DAB1: variants seen among roughly 807,000 people sequenced by gnomAD.
DAB1 encodes DAB adaptor protein 1, also known as disabled homolog 1.
DAB1 carries 15 observed loss-of-function variants against 64.6 expected under a neutral mutation model. The observed-to-expected ratio is 0.23, with a 90% CI of 0.16 to 0.36. The LOEUF (loss-of-function observed/expected upper bound fraction) is 0.36. Among genes scored for constraint, DAB1 ranks in the 10% least tolerant of loss-of-function variants. The probability of loss-of-function intolerance (pLI) is 1.00; values close to 1 mark genes in which losing one functional copy is unlikely to be tolerated. For missense variants in DAB1, 596 were observed against 706.7 expected, an observed-to-expected ratio of 0.84 and a Z score of 1.78; for synonymous variants, 235 against 251.9, an observed-to-expected ratio of 0.93 and a Z score of 0.64.
intron 7 of DAB1, chr1:57,606,076 T>C: frequency 1.8e-6 from 1 of 550,160 alleles, no homozygotes; most frequent in South Asian, 1.7e-5. Context: ...ATTCTTTTCC[T>C]TTGCTCCTCT....
chr1:58,508,756 A>T (rs1416275365), intron 2 of DAB1, among the ~76,000 whole-genome samples: 1 of 152,126 alleles, frequency 6.6e-6, no homozygotes, highest in Non-Finnish European at 1.5e-5. Flanking sequence ...TTGAACAAGC[A>T]CACAAGCAGT....
chr1:58,466,074 A>C (rs1233010523), intron 3 of DAB1, among the ~76,000 whole-genome samples: 1 of 152,108 alleles, frequency 6.6e-6, no homozygotes, highest in African/African-American at 2.4e-5. Flanking sequence ...AGCGGTCCCC[A>C]CAACTGCTTT....
chr1:58,546,257 C>A (rs1228233807), intron 1 of DAB1, among the ~76,000 whole-genome samples: 1 of 152,226 alleles, frequency 6.6e-6, no homozygotes, highest in Admixed American at 6.5e-5. Context: ...AGACGAATGC[C>A]CGACGCGCCG....
intron 2 of DAB1, among the ~76,000 whole-genome samples, chr1:57,229,518 A>G (rs575532845): frequency 6.6e-6 from 1 of 151,622 alleles, no homozygotes; most frequent in African/African-American, 2.4e-5. Flanking sequence ...TTATTAAAGA[A>G]AAAAAAAATC....
At chr1:57,167,215 C>T (rs914297366) in intron 2 of DAB1, among the ~76,000 whole-genome samples, 1 of 152,146 alleles carries the variant, frequency 6.6e-6, no homozygotes, top group Non-Finnish European at 1.5e-5. Flanking sequence ...GTTCCATAAT[C>T]ATTACAAACG....
chr1:58,489,302 G>A (rs957016776), intron 3 of DAB1, among the ~76,000 whole-genome samples: 16 of 152,302 alleles, frequency 1.1e-4, no homozygotes, highest in South Asian at 2.1e-4. Flanking sequence ...TATATCCCAC[G>A]CCTGGCTCAA....
intron 1 of DAB1, among the ~76,000 whole-genome samples, chr1:57,362,372 T>C (rs893924858): frequency 6.6e-6 from 1 of 152,178 alleles, no homozygotes; most frequent in Non-Finnish European, 1.5e-5. Flanking sequence ...CTAAACTTTC[T>C]GCAATTTACT....
At position 57,561,906 on chromosome 1, in the gene DAB1, G is replaced by A. The variant is rs1645057003; in HGVS notation, n.625+87686C>T. Among the ~76,000 whole-genome samples, 2 of 152,162 alleles carry A rather than the reference G, an allele frequency of 1.3e-5. 1 individual carries two copies. Among genetic ancestry groups the A allele is most frequent in the Non-Finnish European group, 2.9e-5 (2 of 68,040 alleles). On this transcript the variant is annotated intron_variant and non_coding_transcript_variant, in intron 7 of 20. Coordinates refer to the DAB1 transcript ENST00000485760. ...TATCAGACCTCTTCCATTATACAAA[G>A]GACAGAGGTTTGTCCTCACTGGAAT...
intron 6 of DAB1, among the ~76,000 whole-genome samples, chr1:57,692,430 A>G (rs911854033): frequency 6.6e-6 from 1 of 152,114 alleles, no homozygotes; most frequent in Non-Finnish European, 1.5e-5. Context: ...CAGGAAGTCA[A>G]AGAGAAGGAG....
At chr1:57,179,888 G>T (rs921756184) in intron 2 of DAB1, among the ~76,000 whole-genome samples, 1 of 152,126 alleles carries the variant, frequency 6.6e-6, no homozygotes, top group South Asian at 2.1e-4. Context: ...TGAACCAGAG[G>T]ATTACAATAG....
chr1:57,114,118 T>A (rs1216231724), intron 4 of DAB1, among the ~76,000 whole-genome samples: 1 of 152,190 alleles, frequency 6.6e-6, no homozygotes, highest in Non-Finnish European at 1.5e-5. Context: ...GAACTGGGGA[T>A]CACTCACTAT....
At chr1:57,828,835 G>A (rs1569798351) in intron 1 of DAB1, among the ~76,000 whole-genome samples, 1 of 152,132 alleles carries the variant, frequency 6.6e-6, no homozygotes, top group Admixed American at 6.5e-5. Flanking sequence ...TAGAAAAAAG[G>A]CTGAGAGGAA....
intron 5 of DAB1, among the ~76,000 whole-genome samples, chr1:57,974,434 T>A (rs1489158986): frequency 6.6e-6 from 1 of 152,116 alleles, no homozygotes; most frequent in Non-Finnish European, 1.5e-5. Flanking sequence ...CAGCATATGA[T>A]GGACACAAAT....
chr1:57,547,639 A>C (rs916026819), intron 7 of DAB1, among the ~76,000 whole-genome samples: 1 of 152,208 alleles, frequency 6.6e-6, no homozygotes, highest in African/African-American at 2.4e-5. Flanking sequence ...TTTACTTTTT[A>C]ACAAACAAAT....
chr1:58,466,758 C>T (rs1185545531), intron 3 of DAB1, among the ~76,000 whole-genome samples: 1 of 152,152 alleles, frequency 6.6e-6, no homozygotes, highest in Non-Finnish European at 1.5e-5. Context: ...TGATGTTTTG[C>T]CTCCTTTTAC....
At chr1:58,304,111 A>G (rs1049095396) in intron 4 of DAB1, among the ~76,000 whole-genome samples, 2 of 152,154 alleles carry the variant, frequency 1.3e-5, no homozygotes, top group Non-Finnish European at 2.9e-5. Flanking sequence ...ATTCCAGAGC[A>G]TATAAGGGCG....
chr1:57,756,752 CAAGT>C (rs1401653602), intron 6 of DAB1, among the ~76,000 whole-genome samples: 1 of 152,002 alleles, frequency 6.6e-6, no homozygotes, highest in East Asian at 1.9e-4. Context: ...CCAGAAAGGA[CAAGT>C]AAGTAGCCTT....
intron 4 of DAB1, among the ~76,000 whole-genome samples, chr1:58,310,332 C>T (rs1662398141): frequency 6.6e-6 from 1 of 151,982 alleles, no homozygotes; most frequent in Non-Finnish European, 1.5e-5. Flanking sequence ...GAAGAGTATT[C>T]GGAATAAAGC....
intron 3 of DAB1, among the ~76,000 whole-genome samples, chr1:58,473,545 A>AAAATAAATAAAT (rs56211911): frequency 1.8e-4 from 22 of 122,634 alleles, no homozygotes; most frequent in African/African-American, 2.8e-4. Context: ...CCGTCTCAAA[A>AAAATAAATAAAT]AAATAAATAA....
Sources: allele counts gnomAD v4.1 joint callset (sites outside exome capture counted in the v4.1 genomes callset), GRCh38; gene constraint gnomAD v4.1.1; transcripts MANE v1.5; gene names NCBI Gene and HGNC (gene_info 2026-07-23, HGNC 2026-07-21).